Variants in CMSS1 observed in about 807,000 individuals in gnomAD.
CMSS1 encodes protein CMSS1.
CMSS1 carries 33 observed loss-of-function variants against 43.5 expected under a neutral mutation model. That is an observed-to-expected ratio of 0.76 (90% CI 0.57 to 1.01). The LOEUF is 1.01. Ranked by LOEUF, CMSS1 falls within the 50% of genes least tolerant of loss-of-function variation. The pLI is 0.00. For missense variants in CMSS1, 313 were observed against 326.4 expected, an observed-to-expected ratio of 0.96 and a Z score of 0.32; for synonymous variants, 115 against 117.2, an observed-to-expected ratio of 0.98 and a Z score of 0.12.
At chr3:100,093,274 T>C (rs940466465) in intron 1 of CMSS1, among the ~76,000 whole-genome samples, 3 of 152,112 alleles carry the variant, frequency 2.0e-5, no homozygotes, top group Non-Finnish European at 4.4e-5. Context: ...ATGTCTTCTG[T>C]AACTTTTTAG....
chr3:99,935,447 G>C (rs757364276), intron 1 of CMSS1, among the ~76,000 whole-genome samples: 2 of 152,134 alleles, frequency 1.3e-5, no homozygotes, highest in Non-Finnish European at 2.9e-5. Context: ...ATAACCTTCA[G>C]GAGTGTAGGC....
intron 1 of CMSS1, among the ~76,000 whole-genome samples, chr3:99,958,847 G>T (rs1708414109): frequency 6.6e-6 from 1 of 152,176 alleles, no homozygotes; most frequent in African/African-American, 2.4e-5. Flanking sequence ...AGCTGTACTA[G>T]TTTGGCATCT....
chr3:100,089,198 G>A (rs2107427455), intron 1 of CMSS1, among the ~76,000 whole-genome samples: 1 of 152,278 alleles, frequency 6.6e-6, no homozygotes, highest in African/African-American at 2.4e-5. Flanking sequence ...TCTAGCTCTT[G>A]TTTTCAGTGG....
At chr3:100,044,110 A>G (rs1014152887) in intron 1 of CMSS1, among the ~76,000 whole-genome samples, 3 of 152,186 alleles carry the variant, frequency 2.0e-5, no homozygotes, top group Non-Finnish European at 4.4e-5. Flanking sequence ...TTTAAAAGGG[A>G]ATGTGCTTTA....
intron 1 of CMSS1, among the ~76,000 whole-genome samples, chr3:99,999,077 G>A (rs574283358): frequency 1.2e-4 from 19 of 152,230 alleles, no homozygotes; most frequent in South Asian, 1.2e-3. Flanking sequence ...ACCTATATCC[G>A]TCATATATAT....
intron 1 of CMSS1, among the ~76,000 whole-genome samples, chr3:100,107,276 C>T (rs1201672258): frequency 6.6e-6 from 1 of 152,086 alleles, no homozygotes. Flanking sequence ...GCTGAAAAAA[C>T]TAGGTTATTT....
chr3:100,171,865 G>A lies in CMSS1; in HGVS notation c.545G>A (p.Gly182Asp). 1.2e-6 allele frequency: 2 copies of A among 1,613,880 alleles called. No homozygotes were observed. Among genetic ancestry groups the A allele is most frequent in the Non-Finnish European group, 1.7e-6 (2 of 1,179,870 alleles). ...TCGATGACAGCATTCAGAGGAGACG[G>A]CAAAGTTATAAAATTATTTGCAAAG... The part of the protein sequence containing the change: ...IRSMTAFRGD[G>D]KVIKLFAKHI... The change falls in exon 7 of 10, where the codon GGC becomes GAC. Residue 182 changes from glycine (G) to aspartate (D), a missense_variant. Physicochemically the swap from Gly to Asp is moderately conservative, Grantham distance 94. Transcript: ENST00000421999.
chr3:100,116,015 T>C (rs944582035), intron 1 of CMSS1, among the ~76,000 whole-genome samples: 6 of 152,226 alleles, frequency 3.9e-5, no homozygotes, highest in African/African-American at 1.2e-4. Flanking sequence ...ATTTGTGTGA[T>C]GTTTCCTCAT....
intron 1 of CMSS1, among the ~76,000 whole-genome samples, chr3:100,126,791 G>A (rs944515181): frequency 2.4e-4 from 37 of 152,264 alleles, no homozygotes; most frequent in African/African-American, 8.7e-4. Flanking sequence ...GAGGTCAGGA[G>A]ATCGAGACCA....
At chr3:99,938,806 C>A (rs990408010) in intron 1 of CMSS1, among the ~76,000 whole-genome samples, 2 of 152,000 alleles carry the variant, frequency 1.3e-5, no homozygotes, top group Non-Finnish European at 2.9e-5. Flanking sequence ...GGGAAAAAAT[C>A]CTGTTGGGTA....
At chr3:100,122,196 A>C (rs547581309) in intron 1 of CMSS1, among the ~76,000 whole-genome samples, 1 of 152,366 alleles carries the variant, frequency 6.6e-6, no homozygotes, top group East Asian at 1.9e-4. Flanking sequence ...ACTGCTGTTC[A>C]TGCTGTGTAC....
chr3:100,072,749 G>A (rs2065784015), intron 1 of CMSS1, among the ~76,000 whole-genome samples: 1 of 152,172 alleles, frequency 6.6e-6, no homozygotes. Context: ...GACCTCACTT[G>A]ATAATGTATA....
At chr3:99,981,279 C>A (rs543597094) in intron 1 of CMSS1, among the ~76,000 whole-genome samples, 4 of 152,278 alleles carry the variant, frequency 2.6e-5, no homozygotes, top group African/African-American at 9.6e-5. Context: ...CTGGCAAACT[C>A]CTACTTAATC....
intron 3 of CMSS1, 101 bp from the exon 4 acceptor site, chr3:100,162,202 C>A: frequency 2.1e-6 from 2 of 975,036 alleles, no homozygotes; most frequent in Admixed American, 2.8e-5. Flanking sequence ...TGGCTAACAC[C>A]AAAAGCTATG....
chr3:99,966,251 G>T (rs1337938843), intron 1 of CMSS1, among the ~76,000 whole-genome samples: 1 of 152,154 alleles, frequency 6.6e-6, no homozygotes, highest in African/African-American at 2.4e-5. Flanking sequence ...ATGGGAGCTT[G>T]TCATGGCTGG....
At chr3:100,081,500 G>A (rs1177580437) in intron 1 of CMSS1, among the ~76,000 whole-genome samples, 1 of 152,128 alleles carries the variant, frequency 6.6e-6, no homozygotes, top group African/African-American at 2.4e-5. Context: ...GTATACTTAT[G>A]TAGAAAGATA....
intron 1 of CMSS1, among the ~76,000 whole-genome samples, chr3:100,037,961 G>GT (rs1293985998): frequency 7.5e-5 from 10 of 132,460 alleles, no homozygotes; most frequent in African/African-American, 2.6e-4. Context: ...TTTTTTGGGG[G>GT]GGGAGGGAAC....
chr3:100,072,048 T>C (rs1210512219), intron 1 of CMSS1, among the ~76,000 whole-genome samples: 1 of 152,214 alleles, frequency 6.6e-6, no homozygotes, highest in Admixed American at 6.5e-5. Context: ...AGGATAAAAC[T>C]GTCATCTTTG....
rs55727823 is a variant in CMSS1 at position 99,872,269 on chromosome 3, C to CTGTGTGTGTGTGTGTGTG, written c.64+54263_64+54280dup. ...ATTCTGTGGATATTCTGTGCCAGGA[C>CTGTGTGTGTGTGTGTGTG]TGTGTGTGTGTGTGTGTGTGTGTGT... is the stretch of plus-strand genomic sequence containing the variant. On this transcript the variant is annotated intron_variant, in intron 1 of 9. Transcript: ENST00000421999. Among the ~76,000 whole-genome samples the CTGTGTGTGTGTGTGTGTG allele has an allele frequency of 1.0e-3, 114 of 110,814 alleles. 2 individuals are homozygous for CTGTGTGTGTGTGTGTGTG. Among genetic ancestry groups the CTGTGTGTGTGTGTGTGTG allele is most frequent in the East Asian group, 2.2e-3 (7 of 3,138 alleles). 72.7% of individuals were successfully genotyped at this position (110,814 alleles called of 152,430 possible). A position where few individuals can be genotyped will look rare whatever the true frequency, so the allele number is the denominator to read the frequency against.
Sources: gnomAD v4.1 joint callset for allele counts (sites outside exome capture counted in the v4.1 genomes callset) on GRCh38, gnomAD v4.1.1 for gene constraint, MANE v1.5 for transcripts, NCBI Gene and HGNC (gene_info 2026-07-23, HGNC 2026-07-21) for gene names.